The following IGFBPL1 variants were observed in gnomAD, a reference collection of about 807,000 sequenced individuals.
IGFBPL1 encodes the protein insulin like growth factor binding protein like 1.
In IGFBPL1, 20 loss-of-function variants were observed where a neutral mutation model predicts 23.9. That is an observed-to-expected ratio of 0.84 (90% CI 0.59 to 1.22). The LOEUF (loss-of-function observed/expected upper bound fraction) is 1.22, where lower values mean the gene tolerates loss of function less well. IGFBPL1 is among the 50% of genes most tolerant of loss of function. The probability of loss-of-function intolerance (pLI) is 0.00; values close to 1 mark genes in which losing one functional copy is unlikely to be tolerated. For synonymous variants in IGFBPL1, 184 were observed against 171.8 expected, an observed-to-expected ratio of 1.07 and a Z score of -0.56; for missense variants, 436 against 379.3, an observed-to-expected ratio of 1.15 and a Z score of -1.24.
rs1156345344 is a variant in IGFBPL1 at position 38,411,389 on chromosome 9, A to G, written c.*9+2T>C. 2 of 1,611,640 alleles carry G rather than the reference A, an allele frequency of 1.2e-6. No homozygotes were observed. Among genetic ancestry groups the G allele is most frequent in the Non-Finnish European group, 8.5e-7 (1 of 1,178,598 alleles). ...ATACTGAAAATGACTTAGAACATGT[A>G]CATTTCTCCATCACATGCGGTCATC... On this transcript the variant is annotated splice_donor_variant, in intron 4 of 4. Coordinates refer to ENST00000377694, the MANE Select transcript of IGFBPL1 (RefSeq NM_001007563.3). LOFTEE classifies it low-confidence loss of function (3UTR_SPLICE).
At position 38,420,002 on chromosome 9, in the gene IGFBPL1, GC is replaced by G; in HGVS notation, c.460+3962del. Among the ~76,000 whole-genome samples the G allele has an allele frequency of 1.3e-5, 2 of 152,070 alleles. 1 individual carries two copies. The highest frequency in any genetic ancestry group is 4.2e-4 in the South Asian group (2 of 4,816). On this transcript the variant is annotated intron_variant, in intron 1 of 4. Coordinates refer to ENST00000377694, the MANE Select transcript of IGFBPL1 (RefSeq NM_001007563.3). The stretch of plus-strand genomic sequence containing the variant: ...ACTCCTGGGCTCAAGAAATCCTCCT[GC>G]CTCAGCCTCCCAAGTAGCTGGGACT...
chr9:38,412,159 GCTTTCTCGTTA>G (rs1400326605), intron 3 of IGFBPL1, among the ~76,000 whole-genome samples: 2 of 152,086 alleles, frequency 1.3e-5, no homozygotes, highest in Non-Finnish European at 2.9e-5. Context: ...CGTCTTTTTT[GCTTTCTCGTTA>G]CAACCAACCG....
At position 38,424,028 on chromosome 9, in the gene IGFBPL1, G is replaced by GAGCGCGCAGGCGC. The variant is rs913739797; in HGVS notation, c.384_396dup (p.Arg133AlafsTer49). 62 of 1,403,096 alleles carry GAGCGCGCAGGCGC rather than the reference G, an allele frequency of 4.4e-5. No homozygotes were observed. Among genetic ancestry groups the GAGCGCGCAGGCGC allele is most frequent in the Non-Finnish European group, 5.5e-5 (60 of 1,088,358 alleles). The allele number at this position is 1,403,096 out of a possible 1,614,324, so 86.9% of individuals were successfully genotyped here. ...CCGGGGTGCGCGCGGGGCGTGTGCCGAGCGCGCAGGCGCAGCGCGCAGACG... is the reference window on the plus strand; with the variant it reads ...CCGGGGTGCGCGCGGGGCGTGTGCCGAGCGCGCAGGCGCAGCGCGCAGGCGCAGCGCGCAGACG... On this transcript the variant is annotated frameshift_variant, in exon 1 of 5. Transcript: ENST00000377694. LOFTEE classifies it high-confidence loss of function.
chr9:38,420,545 C>T (rs955137804), intron 1 of IGFBPL1, among the ~76,000 whole-genome samples: 6 of 152,312 alleles, frequency 3.9e-5, no homozygotes, highest in African/African-American at 7.2e-5. Context: ...CTGAAAATAG[C>T]GAGGCAGGCC....
chr9:38,423,760 T>A (rs1040588544), intron 1 of IGFBPL1, among the ~76,000 whole-genome samples: 5 of 152,126 alleles, frequency 3.3e-5, no homozygotes, highest in African/African-American at 1.2e-4. Context: ...TCACCAAAAA[T>A]TCGACTAGCA....
intron 1 of IGFBPL1, among the ~76,000 whole-genome samples, chr9:38,423,368 T>C (rs558752338): frequency 1.3e-5 from 2 of 152,286 alleles, no homozygotes; most frequent in Admixed American, 1.3e-4. Context: ...CTGCCCCTAA[T>C]AGCACCACAA....
chr9:38,424,119 G>T lies in IGFBPL1; in HGVS notation c.306C>A (p.Gly102=), dbSNP rs1393972939. Residue 102 remains glycine, a synonymous_variant, in exon 1 of 5, where the codon GGC becomes GGA. Transcript: ENST00000377694. ...GCTGCGCGCACACGCAGAGCCCGGTGCCCTCGGGCGCTGCCCCAGCGGCCT... is the reference window on the plus strand; with the variant it reads ...GCTGCGCGCACACGCAGAGCCCGGTTCCCTCGGGCGCTGCCCCAGCGGCCT... ...ASQAAGAAPE[G]TGLCVCAQRG... 2 of 1,279,126 alleles carry T rather than the reference G, an allele frequency of 1.6e-6. No individual in the cohort carries two copies. Among genetic ancestry groups the T allele is most frequent in the Non-Finnish European group, 2.0e-6 (2 of 1,013,464 alleles). 79.2% of individuals were successfully genotyped at this position (1,279,126 alleles called of 1,614,324 possible).
At chr9:38,420,792 A>G (rs960161934) in intron 1 of IGFBPL1, among the ~76,000 whole-genome samples, 10 of 152,068 alleles carry the variant, frequency 6.6e-5, no homozygotes, top group African/African-American at 2.4e-4. Flanking sequence ...AGCCAAGATC[A>G]CACCACTGCA....
intron 4 of IGFBPL1, among the ~76,000 whole-genome samples, chr9:38,410,881 C>T (rs1821505104): frequency 6.6e-6 from 1 of 152,196 alleles, no homozygotes; most frequent in South Asian, 2.1e-4. Context: ...ATTCTCTCTG[C>T]CCCTACCCAC....
chr9:38,422,605 G>C (rs1173561218), intron 1 of IGFBPL1, among the ~76,000 whole-genome samples: 1 of 152,212 alleles, frequency 6.6e-6, no homozygotes, highest in African/African-American at 2.4e-5. Context: ...TGGCCAGAGA[G>C]GGGAAGGGAC....
intron 1 of IGFBPL1, among the ~76,000 whole-genome samples, chr9:38,418,774 T>C (rs553067778): frequency 3.9e-5 from 6 of 152,106 alleles, no homozygotes; most frequent in South Asian, 2.1e-4. Context: ...AGCCCTAGAA[T>C]TGCACAAATC....
rs1447389620 is a variant in IGFBPL1, at chr9:38,414,085, C to A, written c.570+9G>T. 5.4e-6 allele frequency: 8 copies of A among 1,473,346 alleles called. No homozygotes were observed. The highest frequency in any genetic ancestry group is 6.6e-6 in the Non-Finnish European group (7 of 1,057,366). The allele number at this position is 1,473,346 out of a possible 1,614,324, so 91.3% of individuals were successfully genotyped here. A position where few individuals can be genotyped will look rare whatever the true frequency, so the allele number is the denominator to read the frequency against. On this transcript the variant is annotated intron_variant, in intron 2 of 4. Transcript: ENST00000377694. ...CACACGAGATGCATGAGTTCTTGGACAGAAATACCTTTCTCCACGTGATGA... is the reference window on the plus strand; with the variant it reads ...CACACGAGATGCATGAGTTCTTGGAAAGAAATACCTTTCTCCACGTGATGA...
chr9:38,406,604 C>G lies in IGFBPL1; in HGVS notation c.*2623G>C, dbSNP rs1484379070. Among the ~76,000 whole-genome samples, 1 of 152,012 alleles carries G rather than the reference C, an allele frequency of 6.6e-6. No individual in the cohort carries two copies. Among genetic ancestry groups the G allele is most frequent in the African/African-American group, 2.4e-5 (1 of 41,378 alleles). ...ACATCTACAAAAACGGTAGAAAAAC[C>G]CAGGTTTGGTGCGGGGAGTGGGGGC... On this transcript the variant is annotated 3_prime_UTR_variant, in exon 5 of 5. Coordinates refer to ENST00000377694, the MANE Select transcript of IGFBPL1 (RefSeq NM_001007563.3).
intron 1 of IGFBPL1, among the ~76,000 whole-genome samples, chr9:38,421,867 G>C (rs571963054): frequency 9.2e-5 from 14 of 152,202 alleles, no homozygotes; most frequent in Admixed American, 9.2e-4. Flanking sequence ...ACAAAGGCTG[G>C]TGCGGAAGAA....
rs1488577000 is a variant in IGFBPL1, at chr9:38,406,651, G to A, written c.*2576C>T. On this transcript the variant is annotated 3_prime_UTR_variant, in exon 5 of 5. Coordinates refer to ENST00000377694, the MANE Select transcript of IGFBPL1 (RefSeq NM_001007563.3). ...GGGCATTGTAATTACGTCTCCAAAT[G>A]CTAACAGCTGTGGCAGCGCATGCTC... 6.6e-6 allele frequency among the ~76,000 whole-genome samples: 1 copy of A among 152,180 alleles called. No individual in the cohort carries two copies. The highest frequency in any genetic ancestry group is 1.5e-5 in the Non-Finnish European group (1 of 68,026).
At chr9:38,415,535 G>A (rs1251644497) in intron 1 of IGFBPL1, among the ~76,000 whole-genome samples, 1 of 152,168 alleles carries the variant, frequency 6.6e-6, no homozygotes, top group Non-Finnish European at 1.5e-5. Flanking sequence ...TCAAGCCAGT[G>A]CCAAAAAATC....
At position 38,418,288 on chromosome 9, in the gene IGFBPL1, C is replaced by T. The variant is rs971425160; in HGVS notation, c.461-4085G>A. Among the ~76,000 whole-genome samples the T allele has an allele frequency of 6.6e-5, 10 of 152,210 alleles. No individual in the cohort carries two copies. In the East Asian group the frequency reaches 1.7e-3, roughly 26 times the overall value. ...AAGAGTCCAGGTTCAAATCCTTTCT[C>T]TGCCACGTCCCAGTCTTGGCCTCAG... is the stretch of plus-strand genomic sequence containing the variant. On this transcript the variant is annotated intron_variant, in intron 1 of 4. Transcript: ENST00000377694.
chr9:38,412,417 C>T (rs1430309606), intron 3 of IGFBPL1, among the ~76,000 whole-genome samples: 4 of 152,180 alleles, frequency 2.6e-5, no homozygotes, highest in East Asian at 3.9e-4. Context: ...GACGACCCAA[C>T]ATGGACCCCT....
chr9:38,414,167 T>TTG lies in IGFBPL1; in HGVS notation c.495_496dup (p.Asn166ThrfsTer14). ...CAGGCCCACCTGCGCCCCGGTGACG[T>TTG]TGTGAACACTTCGGGGAGGAACGAC... On this transcript the variant is annotated frameshift_variant, in exon 2 of 5. Coordinates refer to ENST00000377694, the MANE Select transcript of IGFBPL1 (RefSeq NM_001007563.3). LOFTEE classifies it high-confidence loss of function. The TTG allele has an allele frequency of 1.2e-6, 2 of 1,610,808 alleles. No homozygotes were observed. The highest frequency in any genetic ancestry group is 2.2e-5 in the South Asian group (2 of 90,448).
Sources: gnomAD v4.1 joint callset for allele counts (sites outside exome capture counted in the v4.1 genomes callset) on GRCh38, gnomAD v4.1.1 for gene constraint, MANE v1.5 for transcripts, NCBI Gene and HGNC (gene_info 2026-07-23, HGNC 2026-07-21) for gene names.